Variants in NMT2 observed in about 807,000 individuals in gnomAD.
The protein encoded by NMT2 is glycylpeptide N-tetradecanoyltransferase 2.
NMT2 carries 35 observed loss-of-function variants against 65.4 expected under a neutral mutation model. The observed-to-expected ratio is 0.54, with a 90% CI of 0.41 to 0.71. The LOEUF (loss-of-function observed/expected upper bound fraction) is 0.71. Ranked by LOEUF, NMT2 falls within the 30% of genes least tolerant of loss-of-function variation. The probability of loss-of-function intolerance (pLI) is 0.00; values close to 1 mark genes in which losing one functional copy is unlikely to be tolerated. For synonymous variants in NMT2, 226 were observed against 231.8 expected, an observed-to-expected ratio of 0.98 and a Z score of 0.23; for missense variants, 489 against 611.3, an observed-to-expected ratio of 0.80 and a Z score of 2.11.
At chr10:15,124,635 C>T (rs548501567) in intron 8 of NMT2, among the ~76,000 whole-genome samples, 4 of 152,268 alleles carry the variant, frequency 2.6e-5, no homozygotes, top group Non-Finnish European at 4.4e-5. Context: ...TTTGCTTTTA[C>T]GCTGAATGGT....
At position 15,107,839 on chromosome 10, in the gene NMT2, A is replaced by G; in HGVS notation, c.*1356T>C. 1 of 985,856 alleles carries G rather than the reference A, an allele frequency of 1.0e-6. No homozygotes were observed. Among genetic ancestry groups the G allele is most frequent in the Non-Finnish European group, 1.2e-6 (1 of 829,934 alleles). The allele number at this position is 985,856 out of a possible 1,614,324, so 61.1% of individuals were successfully genotyped here. Reference sequence around the variant, plus strand: ...TTATTTTTCCCGCAGATTATTGGCAATATAAACACACATCTGTAAGCCATG... The same window carrying G: ...TTATTTTTCCCGCAGATTATTGGCAGTATAAACACACATCTGTAAGCCATG... On this transcript the variant is annotated 3_prime_UTR_variant, in exon 12 of 12. Transcript: ENST00000378165.
intron 1 of NMT2, among the ~76,000 whole-genome samples, chr10:15,160,326 T>C (rs557214042): frequency 1.3e-5 from 2 of 152,006 alleles, no homozygotes; most frequent in Non-Finnish European, 2.9e-5. Flanking sequence ...AGGTCAAATG[T>C]TGAAGAAAAA....
chr10:15,112,793 T>TA lies in NMT2; in HGVS notation c.1338+2dup. On this transcript the variant is annotated splice_region_variant and intron_variant, in intron 10 of 11. Coordinates refer to ENST00000378165, the MANE Select transcript of NMT2 (RefSeq NM_004808.3). ...ACGGCGTGAACAGGAAGGAGTGGCT[T>TA]ACCGATTTAGCCAGGATGAGCGCGT... is the stretch of plus-strand genomic sequence containing the variant. 1 of 1,607,508 alleles carries TA rather than the reference T, an allele frequency of 6.2e-7. No homozygotes were observed.
In NMT2 at chr10:15,132,947, A is replaced by C. The variant is rs766961909; in HGVS notation, c.603-14T>G. 6.2e-7 allele frequency: 1 copy of C among 1,607,832 alleles called. No homozygotes were observed. Among genetic ancestry groups the C allele is most frequent in the South Asian group, 1.1e-5 (1 of 90,620 alleles). ...GGACGCAGAGCCCTGAGGTCACGGT[A>C]GACAAGAAAACAGGCACCAGTTATT... On this transcript the variant is annotated splice_polypyrimidine_tract_variant and intron_variant, in intron 5 of 11. Transcript: ENST00000378165.
At position 15,109,021 on chromosome 10, in the gene NMT2, A is replaced by C. The variant is rs921708747; in HGVS notation, c.*174T>G. The C allele has an allele frequency of 7.1e-7, 1 of 1,418,042 alleles. No individual in the cohort carries two copies. Among genetic ancestry groups the C allele is most frequent in the Non-Finnish European group, 9.2e-7 (1 of 1,092,320 alleles). The allele number at this position is 1,418,042 out of a possible 1,614,324, so 87.8% of individuals were successfully genotyped here. A position where few individuals can be genotyped will look rare whatever the true frequency, so the allele number is the denominator to read the frequency against. ...CAGTAAAAAAAGGATGAAGTTTAAC[A>C]TTCTAGCTAGAAACGTACAAATGTC... On this transcript the variant is annotated 3_prime_UTR_variant, in exon 12 of 12. Transcript: ENST00000378165.
rs1201948522 is a variant in NMT2, at chr10:15,108,188, C to CTT, written c.*1005_*1006dup. ...AGTTAGTCGCGGGTACAGGCTCTTTCTTTTTTTTTTTTTTTGAGACGGAGT... is the reference window on the plus strand; with the variant it reads ...AGTTAGTCGCGGGTACAGGCTCTTTCTTTTTTTTTTTTTTTTTGAGACGGAGT... On this transcript the variant is annotated 3_prime_UTR_variant, in exon 12 of 12. Transcript: ENST00000378165. The CTT allele has an allele frequency of 3.0e-3, 2,746 of 901,088 alleles. 29 individuals carry two copies. In the African/African-American group the frequency reaches 0.037, roughly 12 times the overall value. The allele number at this position is 901,088 out of a possible 1,614,324, so 55.8% of individuals were successfully genotyped here.
At chr10:15,126,376 C>A (rs1224385543) in intron 8 of NMT2, among the ~76,000 whole-genome samples, 1 of 149,744 alleles carries the variant, frequency 6.7e-6, no homozygotes, top group East Asian at 2.0e-4. Context: ...TTGCAATGAG[C>A]TGAGATTGTG....
intron 6 of NMT2, among the ~76,000 whole-genome samples, chr10:15,132,285 TC>T (rs767189559): frequency 2.6e-5 from 4 of 151,990 alleles, no homozygotes; most frequent in Non-Finnish European, 5.9e-5. Context: ...CGTTTTTTTT[TC>T]TTTACTACTT....
In NMT2 at chr10:15,154,373, G is replaced by A. The variant is rs139869237; in HGVS notation, c.111-12816C>T. ...TGGCCAGCCAATTGACCTGACTCAGGTGCAGGCTGTGTGGTGACCTGGAAA... is the reference window on the plus strand; with the variant it reads ...TGGCCAGCCAATTGACCTGACTCAGATGCAGGCTGTGTGGTGACCTGGAAA... On this transcript the variant is annotated intron_variant, in intron 1 of 11. Coordinates refer to ENST00000378165, the MANE Select transcript of NMT2 (RefSeq NM_004808.3). 4.2e-3 allele frequency among the ~76,000 whole-genome samples: 645 copies of A among 152,290 alleles called. 4 individuals carry two copies. Among genetic ancestry groups the A allele is most frequent in the African/African-American group, 0.014 (596 of 41,556 alleles).
At chr10:15,164,077 G>A (rs1291994164) in intron 1 of NMT2, among the ~76,000 whole-genome samples, 1 of 151,270 alleles carries the variant, frequency 6.6e-6, no homozygotes, top group African/African-American at 2.4e-5. Context: ...CAGCTACTCC[G>A]GAAGCTGAGG....
At chr10:15,162,974 C>T (rs1833252938) in intron 1 of NMT2, among the ~76,000 whole-genome samples, 1 of 151,468 alleles carries the variant, frequency 6.6e-6, no homozygotes, top group African/African-American at 2.4e-5. Context: ...TTCTGTTGCC[C>T]AGGCTGGAGT....
At chr10:15,166,848 C>T (rs1833393783) in intron 1 of NMT2, among the ~76,000 whole-genome samples, 1 of 152,148 alleles carries the variant, frequency 6.6e-6, no homozygotes. Flanking sequence ...CAGATCAATG[C>T]GCACACAGAT....
Position 15,163,995 on chromosome 10 carries a change from T to C in NMT2, c.110+4508A>G, listed in dbSNP as rs567595164. Among the ~76,000 whole-genome samples, 1,162 of 151,956 alleles carry C rather than the reference T, an allele frequency of 7.6e-3. 8 individuals are homozygous for C. The highest frequency in any genetic ancestry group is 0.012 in the Non-Finnish European group (812 of 67,944). On this transcript the variant is annotated intron_variant, in intron 1 of 11. Coordinates refer to ENST00000378165, the MANE Select transcript of NMT2 (RefSeq NM_004808.3). ...GAGATGGAGACCATCCTGGCTAACA[T>C]GGTGAAACCCCGTCTCTACTAAAAA...
intron 8 of NMT2, 76 bp downstream of exon 8, chr10:15,128,274 C>T (rs760520119): frequency 4.4e-5 from 38 of 856,350 alleles, no homozygotes; most frequent in Non-Finnish European, 7.3e-5. Flanking sequence ...TTTTTAGACT[C>T]CTGCAAATAA....
In NMT2 at chr10:15,141,446, C is replaced by G. The variant is rs754604624; in HGVS notation, c.222G>C (p.Glu74Asp). 1.9e-6 allele frequency: 3 copies of G among 1,614,208 alleles called. No homozygotes were observed. The highest frequency in any genetic ancestry group is 3.3e-5 in the Admixed American group (2 of 60,020). Residue 74 changes from glutamate (E) to aspartate (D), a missense_variant, in exon 2 of 12, where the codon GAG (glutamate) becomes GAC (aspartate). Transcript: ENST00000378165. ...CTTTCGAAGGCTGCTGAATTTTAAT[C>G]TCCTGGGAATCAGATGCCGAGTCTG... ...TKSDSASDSQEIKIQQPSKNP... is the reference protein window; with the variant it reads ...TKSDSASDSQDIKIQQPSKNP...
chr10:15,155,466 T>C, intron 1 of NMT2: 3 of 453,082 alleles, frequency 6.6e-6, no homozygotes, highest in South Asian at 6.3e-5. Flanking sequence ...ACTTCCGGGC[T>C]CAAGTGATCC....
intron 1 of NMT2, among the ~76,000 whole-genome samples, chr10:15,160,139 A>G (rs1381668878): frequency 6.6e-6 from 1 of 152,162 alleles, no homozygotes; most frequent in Non-Finnish European, 1.5e-5. Context: ...TTGGTGAACA[A>G]TGATGTCTGA....
At chr10:15,141,172 A>C (rs1006303473) in intron 2 of NMT2, 45 of 853,038 alleles carry the variant, frequency 5.3e-5, no homozygotes, top group Non-Finnish European at 8.1e-5. Flanking sequence ...CAATCTAAAT[A>C]CAAATTCACT....
At chr10:15,125,925 A>C (rs1846059191) in intron 8 of NMT2, among the ~76,000 whole-genome samples, 1 of 151,914 alleles carries the variant, frequency 6.6e-6, no homozygotes, top group Admixed American at 6.6e-5. Context: ...TTGGCCTCCC[A>C]AAGTGCTGGG....
Sources: gnomAD v4.1 joint callset for allele counts (sites outside exome capture counted in the v4.1 genomes callset) on GRCh38, gnomAD v4.1.1 for gene constraint, MANE v1.5 for transcripts, NCBI Gene and HGNC (gene_info 2026-07-23, HGNC 2026-07-21) for gene names.